Variants in RAB39A observed in about 807,000 individuals in gnomAD.
RAB39A encodes ras-related protein Rab-39A.
RAB39A carries 17 observed loss-of-function variants against 20.9 expected under a neutral mutation model. The ratio of observed to expected loss-of-function variants is 0.81; its 90% CI spans 0.56 to 1.22. The LOEUF is 1.22. RAB39A is among the 50% of genes most tolerant of loss of function. RAB39A has a pLI of 0.00. For synonymous variants in RAB39A, 99 were observed against 103.4 expected (o/e 0.96, Z 0.26); for missense variants, 234 against 270.5 (o/e 0.87, Z 0.95).
chr11:107,959,680 A>G (rs956953431), intron 1 of RAB39A, among the ~76,000 whole-genome samples: 1 of 152,130 alleles, frequency 6.6e-6, no homozygotes, highest in Non-Finnish European at 1.5e-5. Flanking sequence ...AATGGTTTGC[A>G]CTCCCACAAC....
chr11:107,931,496 C>T (rs1353292407), intron 1 of RAB39A, among the ~76,000 whole-genome samples: 1 of 152,316 alleles, frequency 6.6e-6, no homozygotes, highest in South Asian at 2.1e-4. Flanking sequence ...ACTTGCTTTT[C>T]TCTCATTTAC....
At position 107,928,497 on chromosome 11, in the gene RAB39A, G is replaced by A. The variant is rs1861103974; in HGVS notation, c.-72G>A. On this transcript the variant is annotated 5_prime_UTR_variant, in exon 1 of 2. An upstream open reading frame in the 5' UTR loses its in-frame stop. Transcript: ENST00000320578. This position sits in a 1 kb window ranked among gnomAD's most constrained non-coding sequence, Gnocchi z 4.9. ...GGCGGGCGGGCGCCCGCGAGGTGCTGAAAGGACAGTTCCCGCCGCCGAACT... is the reference window on the plus strand; with the variant it reads ...GGCGGGCGGGCGCCCGCGAGGTGCTAAAAGGACAGTTCCCGCCGCCGAACT... 1 of 1,240,552 alleles carries A rather than the reference G, an allele frequency of 8.1e-7. No homozygotes were observed. Among genetic ancestry groups the A allele is most frequent in the Non-Finnish European group, 1.1e-6 (1 of 938,056 alleles). The allele number at this position is 1,240,552 out of a possible 1,614,324, so 76.8% of individuals were successfully genotyped here. A position where few individuals can be genotyped will look rare whatever the true frequency, so the allele number is the denominator to read the frequency against.
chr11:107,930,447 CT>C (rs1861124413), intron 1 of RAB39A, among the ~76,000 whole-genome samples: 2 of 152,278 alleles, frequency 1.3e-5, no homozygotes, highest in African/African-American at 4.8e-5. Context: ...TTGACCCCCC[CT>C]CTGAAGTGAA....
chr11:107,953,434 A>G (rs1861402327), intron 1 of RAB39A, among the ~76,000 whole-genome samples: 1 of 152,136 alleles, frequency 6.6e-6, no homozygotes, highest in African/African-American at 2.4e-5. Flanking sequence ...GAATCAAAAG[A>G]TCCTGGGAGT....
At chr11:107,943,890 T>A (rs1364120505) in intron 1 of RAB39A, among the ~76,000 whole-genome samples, 1 of 150,210 alleles carries the variant, frequency 6.7e-6, no homozygotes, top group Non-Finnish European at 1.5e-5. Context: ...AGGTCAGGAG[T>A]TCAAGACCAG....
chr11:107,955,642 C>T (rs968624361), intron 1 of RAB39A, among the ~76,000 whole-genome samples: 2 of 152,092 alleles, frequency 1.3e-5, no homozygotes, highest in African/African-American at 4.8e-5. Context: ...AGGTCGAGAC[C>T]AGCCTGACCA....
intron 1 of RAB39A, among the ~76,000 whole-genome samples, chr11:107,953,299 TA>T (rs1861400750): frequency 6.6e-6 from 1 of 152,228 alleles, no homozygotes; most frequent in African/African-American, 2.4e-5. Context: ...ATGTTGACTC[TA>T]TTGGTCAGGT....
intron 1 of RAB39A, among the ~76,000 whole-genome samples, chr11:107,940,412 C>T (rs75433347): frequency 3.3e-5 from 5 of 151,814 alleles, no homozygotes; most frequent in African/African-American, 9.7e-5. Context: ...TACAGGCGCA[C>T]GCCACCACGC....
At chr11:107,959,015 G>A (rs1364734561) in intron 1 of RAB39A, among the ~76,000 whole-genome samples, 1 of 151,970 alleles carries the variant, frequency 6.6e-6, no homozygotes, top group Non-Finnish European at 1.5e-5. Context: ...AGCTAGTCAG[G>A]AGGTTGAGGC....
chr11:107,942,255 C>A, intron 1 of RAB39A, among the ~76,000 whole-genome samples: 1 of 151,974 alleles, frequency 6.6e-6, no homozygotes, highest in African/African-American at 2.4e-5. Context: ...AAAACAAAGT[C>A]CAAGTGAAGA....
intron 1 of RAB39A, among the ~76,000 whole-genome samples, chr11:107,933,007 G>C (rs1349029663): frequency 6.6e-6 from 1 of 152,124 alleles, no homozygotes. Flanking sequence ...AAGGAAACGA[G>C]AATATTGTTT....
At chr11:107,935,824 G>T (rs1244720315) in intron 1 of RAB39A, among the ~76,000 whole-genome samples, 1 of 149,456 alleles carries the variant, frequency 6.7e-6, no homozygotes, top group South Asian at 2.1e-4. Context: ...TTATTAATTT[G>T]TTCCCTTAGC....
intron 1 of RAB39A, among the ~76,000 whole-genome samples, chr11:107,934,615 A>G (rs1377597714): frequency 6.6e-6 from 1 of 152,128 alleles, no homozygotes. Flanking sequence ...TAAGGGCTGT[A>G]AGCAGTAAGT....
chr11:107,938,564 T>A (rs200035632), intron 1 of RAB39A, among the ~76,000 whole-genome samples: 189 of 95,182 alleles, frequency 2.0e-3, no homozygotes, highest in Non-Finnish European at 2.4e-3. Flanking sequence ...ACCTCGTCTA[T>A]AAAAAAAAAA....
At position 107,962,500 on chromosome 11, in the gene RAB39A, A is replaced by G. The variant is rs1223878306; in HGVS notation, c.*128A>G. ...TACAAACCCACACCAATACTATTTT[A>G]TAAGGTATTTGATTCAGAGCATGAT... On this transcript the variant is annotated 3_prime_UTR_variant, in exon 2 of 2. Coordinates refer to ENST00000320578, the MANE Select transcript of RAB39A (RefSeq NM_017516.3). The G allele has an allele frequency of 3.4e-6, 3 of 891,760 alleles. No individual in the cohort carries two copies. Among genetic ancestry groups the G allele is most frequent in the East Asian group, 5.3e-5 (2 of 37,440 alleles). The allele number at this position is 891,760 out of a possible 1,614,324, so 55.2% of individuals were successfully genotyped here. A position where few individuals can be genotyped will look rare whatever the true frequency, so the allele number is the denominator to read the frequency against.
At chr11:107,931,446 G>T (rs1861136247) in intron 1 of RAB39A, among the ~76,000 whole-genome samples, 1 of 152,142 alleles carries the variant, frequency 6.6e-6, no homozygotes, top group East Asian at 1.9e-4. Context: ...CCAAAGTTCT[G>T]TTTGTAAATA....
At chr11:107,948,904 C>T (rs1056846727) in intron 1 of RAB39A, among the ~76,000 whole-genome samples, 1 of 152,120 alleles carries the variant, frequency 6.6e-6, no homozygotes, top group African/African-American at 2.4e-5. Context: ...CCCTGGAGTA[C>T]GCTATGACTT....
chr11:107,943,505 C>T (rs904993909), intron 1 of RAB39A, among the ~76,000 whole-genome samples: 3 of 146,610 alleles, frequency 2.0e-5, no homozygotes, highest in Non-Finnish European at 4.5e-5. Flanking sequence ...TGGGAGGCGA[C>T]GGTTGCAGTG....
chr11:107,944,227 A>C (rs1008546849), intron 1 of RAB39A, among the ~76,000 whole-genome samples: 2 of 152,154 alleles, frequency 1.3e-5, no homozygotes, highest in Non-Finnish European at 2.9e-5. Context: ...AAAAAGAGGA[A>C]GCATGGGCAA....
Sources: allele counts gnomAD v4.1 joint callset (sites outside exome capture counted in the v4.1 genomes callset), GRCh38; gene constraint gnomAD v4.1.1; non-coding constraint Gnocchi (gnomAD v3.1); transcripts MANE v1.5; gene names NCBI Gene and HGNC (gene_info 2026-07-23, HGNC 2026-07-21).